The following OCA2 variants were observed in gnomAD, a reference collection of about 807,000 sequenced individuals.
OCA2 encodes the protein P protein.
Under a neutral mutation model 100.2 loss-of-function variants are expected in OCA2, and 77 were observed. The ratio of observed to expected loss-of-function variants is 0.77; its 90% confidence interval spans 0.64 to 0.93. OCA2 has a LOEUF of 0.93. OCA2 is among the 40% of genes least tolerant of loss of function. OCA2 has a pLI of 0.00. For missense variants in OCA2, 1,062 were observed against 1,089.1 expected (o/e 0.98, Z 0.35); for synonymous variants, 432 against 439.2 (o/e 0.98, Z 0.21).
At chr15:28,094,263 G>A (rs896299796) in intron 1 of OCA2, among the ~76,000 whole-genome samples, 2 of 152,152 alleles carry the variant, frequency 1.3e-5, no homozygotes, top group African/African-American at 2.4e-5. Flanking sequence ...ACCCCAGCCC[G>A]TGGCTGCACT....
At chr15:27,966,323 A>G (rs2040565519) in intron 15 of OCA2, among the ~76,000 whole-genome samples, 1 of 152,158 alleles carries the variant, frequency 6.6e-6, no homozygotes, top group Admixed American at 6.5e-5. Flanking sequence ...GTGCTGGGTT[A>G]TGTTGCTGTT....
chr15:27,966,533 G>A (rs1176415580), intron 15 of OCA2, among the ~76,000 whole-genome samples, 157 bp downstream of exon 15: 1 of 152,190 alleles, frequency 6.6e-6, no homozygotes, highest in Non-Finnish European at 1.5e-5. Context: ...TAGCAGCCCT[G>A]AAAACAGTGT....
intron 23 of OCA2, among the ~76,000 whole-genome samples, chr15:27,756,214 A>C (rs1301066014): frequency 6.6e-6 from 1 of 152,202 alleles, no homozygotes; most frequent in Non-Finnish European, 1.5e-5. Flanking sequence ...GCCCCTGCAA[A>C]TGTTACAATT....
At chr15:27,776,974 T>TGGGGGGGGAGGGGGGGGG (rs2032262195) in intron 23 of OCA2, among the ~76,000 whole-genome samples, 1 of 43,174 alleles carries the variant, frequency 2.3e-5, no homozygotes, top group Non-Finnish European at 7.2e-5. Flanking sequence ...GAGCGTGAGG[T>TGGGGGGGGAGGGGGGGGG]GGGGGGGGGT....
chr15:28,050,801 T>A (rs941350345), intron 2 of OCA2, among the ~76,000 whole-genome samples: 5 of 152,086 alleles, frequency 3.3e-5, no homozygotes, highest in Non-Finnish European at 7.4e-5. Context: ...GTAAAACACA[T>A]GGCATGGAGT....
At chr15:27,954,113 G>T (rs1054208066) in intron 17 of OCA2, among the ~76,000 whole-genome samples, 4 of 99,596 alleles carry the variant, frequency 4.0e-5, no homozygotes, top group African/African-American at 1.9e-4. Context: ...GTATTCCATG[G>T]CATACACACA....
At chr15:27,922,281 A>G (rs1166670792) in intron 19 of OCA2, among the ~76,000 whole-genome samples, 2 of 152,222 alleles carry the variant, frequency 1.3e-5, no homozygotes, top group Non-Finnish European at 2.9e-5. Flanking sequence ...ATTGCAGTAA[A>G]CCAAGAAATA....
At chr15:27,873,586 C>G (rs542097823) in intron 19 of OCA2, among the ~76,000 whole-genome samples, 1 of 152,286 alleles carries the variant, frequency 6.6e-6, no homozygotes, top group South Asian at 2.1e-4. Context: ...ATATGCCCCC[C>G]ACATGCACAC....
intron 6 of OCA2, among the ~76,000 whole-genome samples, chr15:28,019,225 A>T (rs1176821221): frequency 2.0e-5 from 3 of 151,946 alleles, no homozygotes; most frequent in Non-Finnish European, 4.4e-5. Flanking sequence ...ATGGGGAAAG[A>T]GGGAGGGAGA....
At chr15:27,955,347 G>A (rs2040186395) in intron 16 of OCA2, 132 bp from the exon 17 acceptor site, 3 of 752,102 alleles carry the variant, frequency 4.0e-6, no homozygotes, top group Middle Eastern at 2.7e-4. Flanking sequence ...GACTAGTCAT[G>A]GGGGGCCGGT....
chr15:28,051,634 G>T (rs1459424154), intron 2 of OCA2, among the ~76,000 whole-genome samples: 1 of 122,928 alleles, frequency 8.1e-6, no homozygotes, highest in Non-Finnish European at 1.6e-5. Flanking sequence ...ATAGACACAG[G>T]TCTCACTAGG....
intron 17 of OCA2, 30 bp from the exon 18 acceptor site, chr15:27,951,922 T>C (rs1481151214): frequency 1.4e-6 from 2 of 1,448,842 alleles, no homozygotes; most frequent in Admixed American, 1.7e-5. Flanking sequence ...GCTCATTTAC[T>C]CTGCACAACC....
chr15:28,061,206 G>C (rs1229709929), intron 2 of OCA2, among the ~76,000 whole-genome samples: 2 of 152,212 alleles, frequency 1.3e-5, no homozygotes, highest in African/African-American at 4.8e-5. Context: ...TGAAGAAGAA[G>C]GCAGAATGTC....
chr15:27,878,685 T>C (rs1000665169), intron 19 of OCA2, among the ~76,000 whole-genome samples: 2 of 152,180 alleles, frequency 1.3e-5, no homozygotes, highest in African/African-American at 4.8e-5. Flanking sequence ...TGTCTAGGCA[T>C]GTTTTCCTTT....
chr15:27,856,731 CACAT>C (rs1384088030), intron 21 of OCA2, among the ~76,000 whole-genome samples: 2 of 148,014 alleles, frequency 1.4e-5, no homozygotes, highest in Non-Finnish European at 3.0e-5. Flanking sequence ...CACACACACA[CACAT>C]TTTTTGGGAG....
intron 23 of OCA2, among the ~76,000 whole-genome samples, chr15:27,811,114 CA>C (rs1484941473): frequency 1.3e-5 from 2 of 152,144 alleles, no homozygotes; most frequent in African/African-American, 4.8e-5. Context: ...GATATGGAAC[CA>C]ACCTAAGTGC....
At chr15:27,744,510 A>G in the OCA2 span, among the ~76,000 whole-genome samples, 1 of 152,174 alleles carries the variant, frequency 6.6e-6, no homozygotes, top group African/African-American at 2.4e-5. Flanking sequence ...TGGTTTTTGC[A>G]TTGGCCCTTT....
At chr15:28,053,437 C>T (rs988806590) in intron 2 of OCA2, among the ~76,000 whole-genome samples, 4 of 152,194 alleles carry the variant, frequency 2.6e-5, no homozygotes, top group African/African-American at 9.6e-5. Flanking sequence ...ACAACCCTCT[C>T]CCAGCCCCTG....
chr15:27,994,155 A>G (rs2015343), intron 9 of OCA2, among the ~76,000 whole-genome samples: 91,581 of 151,994 alleles, frequency 0.6, 31,789 homozygotes, highest in Non-Finnish European at 0.79. Context: ...GGGCAAGTGA[A>G]CATGACCGCC....
Sources: allele counts gnomAD v4.1 joint callset (sites outside exome capture counted in the v4.1 genomes callset), GRCh38; gene constraint gnomAD v4.1.1; transcripts MANE v1.5; gene names NCBI Gene and HGNC (gene_info 2026-07-23, HGNC 2026-07-21).